OCIAD2: variants seen among roughly 807,000 people sequenced by gnomAD.
OCIAD2 encodes the protein OCIA domain-containing protein 2.
In OCIAD2, 29 loss-of-function variants were observed where a neutral mutation model predicts 22.9. That is an observed-to-expected ratio of 1.27 (90% CI 0.94 to 1.73). The LOEUF (loss-of-function observed/expected upper bound fraction) is 1.73. OCIAD2 is among the 40% of genes most tolerant of loss of function. The pLI is 0.00. For missense variants in OCIAD2, 189 were observed against 180.3 expected (o/e 1.05, Z -0.28); for synonymous variants, 67 against 60.2 (o/e 1.11, Z -0.52).
At chr4:48,887,818 C>T (rs567669902) in intron 6 of OCIAD2, among the ~76,000 whole-genome samples, 13 of 152,144 alleles carry the variant, frequency 8.5e-5, no homozygotes, top group African/African-American at 1.9e-4. Flanking sequence ...CTTGGCAATG[C>T]GGGCTCTTTT....
chr4:48,891,905 GTC>G (rs1372093683), intron 6 of OCIAD2, among the ~76,000 whole-genome samples: 2 of 152,206 alleles, frequency 1.3e-5, no homozygotes, highest in Non-Finnish European at 2.9e-5. Context: ...CCTTCAGAAG[GTC>G]TCTGCAGCTC....
chr4:48,889,512 C>A (rs967055272), intron 6 of OCIAD2, among the ~76,000 whole-genome samples: 8 of 152,130 alleles, frequency 5.3e-5, no homozygotes, highest in Non-Finnish European at 1.5e-5. Context: ...AAAAGGCTCA[C>A]CATCACTGGT....
At chr4:48,901,369 T>C (rs184087599) in intron 2 of OCIAD2, among the ~76,000 whole-genome samples, 1 of 152,262 alleles carries the variant, frequency 6.6e-6, no homozygotes, top group Admixed American at 6.5e-5. Flanking sequence ...AGAGTCTTGC[T>C]AGACCGCTCT....
chr4:48,888,237 C>A (rs1781051177), intron 6 of OCIAD2, among the ~76,000 whole-genome samples: 1 of 152,118 alleles, frequency 6.6e-6, no homozygotes, highest in South Asian at 2.1e-4. Flanking sequence ...AGATTTTGGG[C>A]TGAGATGATG....
intron 6 of OCIAD2, among the ~76,000 whole-genome samples, chr4:48,886,379 T>C (rs1251543944): frequency 6.6e-5 from 10 of 152,254 alleles, no homozygotes; most frequent in Admixed American, 6.5e-4. Context: ...TTAGGGTACA[T>C]GTGCACAACG....
chr4:48,905,479 G>A (rs558033341), intron 1 of OCIAD2, among the ~76,000 whole-genome samples: 5 of 151,890 alleles, frequency 3.3e-5, no homozygotes, highest in South Asian at 2.1e-4. Flanking sequence ...CTGATACAGA[G>A]GGGAGGGAAT....
chr4:48,905,393 G>A (rs554008917), intron 1 of OCIAD2, among the ~76,000 whole-genome samples: 2 of 151,620 alleles, frequency 1.3e-5, no homozygotes, highest in South Asian at 4.2e-4. Context: ...TGAACACTGA[G>A]CCCAAGGGAA....
intron 6 of OCIAD2, 81 bp from the exon 7 acceptor site, chr4:48,885,646 T>C: frequency 1.3e-6 from 1 of 759,470 alleles, no homozygotes; most frequent in Admixed American, 2.2e-5. Context: ...TTATTCTTAT[T>C]ATTTTAACAT....
chr4:48,906,127 C>T (rs1022319469), intron 1 of OCIAD2, among the ~76,000 whole-genome samples: 5 of 152,228 alleles, frequency 3.3e-5, no homozygotes, highest in Admixed American at 6.5e-5. Flanking sequence ...CTCTCAGCTT[C>T]GGTGGCCAGG....
intron 4 of OCIAD2, among the ~76,000 whole-genome samples, chr4:48,894,716 C>G (rs1204701661): frequency 1.3e-5 from 2 of 152,036 alleles, no homozygotes; most frequent in African/African-American, 4.8e-5. Flanking sequence ...ACTTTAAGTT[C>G]TAGGGTACAT....
chr4:48,891,184 C>T (rs772299839), intron 6 of OCIAD2, among the ~76,000 whole-genome samples: 14 of 152,194 alleles, frequency 9.2e-5, no homozygotes, highest in Non-Finnish European at 1.8e-4. Flanking sequence ...ATAGCTTCTG[C>T]TGTAGCTCCT....
intron 3 of OCIAD2, 103 bp from the exon 4 acceptor site, chr4:48,897,960 C>A: frequency 1.3e-6 from 1 of 771,662 alleles, no homozygotes; most frequent in East Asian, 2.5e-5. Flanking sequence ...CCTTCCTTGG[C>A]AGTGAATTTT....
intron 6 of OCIAD2, among the ~76,000 whole-genome samples, chr4:48,890,918 T>C (rs1781162154): frequency 6.6e-6 from 1 of 152,184 alleles, no homozygotes; most frequent in Admixed American, 6.5e-5. Context: ...TTTCCCCCCA[T>C]TGCTTTGAGA....
At chr4:48,890,410 G>A (rs1330028889) in intron 6 of OCIAD2, among the ~76,000 whole-genome samples, 1 of 152,100 alleles carries the variant, frequency 6.6e-6, no homozygotes, top group Non-Finnish European at 1.5e-5. Context: ...TTGAATTCAA[G>A]TAATTTCTAA....
At chr4:48,892,653 T>G in intron 6 of OCIAD2, 119 bp downstream of exon 6, 1 of 538,366 alleles carries the variant, frequency 1.9e-6, no homozygotes, top group Non-Finnish European at 3.2e-6. Flanking sequence ...AACTTGAGGG[T>G]TAAAACTTTT....
Position 48,897,853 on chromosome 4 carries a change from C to A in OCIAD2, c.168G>T (p.Leu56=). 6.8e-6 allele frequency: 11 copies of A among 1,612,342 alleles called. No homozygotes were observed. Among genetic ancestry groups the A allele is most frequent in the Non-Finnish European group, 8.5e-6 (10 of 1,178,646 alleles). ...CAAGCATGCTTACAAGAGAAAAAGGCAGAGCTGTAAAGCAAAAATGTCCTT... is the reference window on the plus strand; with the variant it reads ...CAAGCATGCTTACAAGAGAAAAAGGAAGAGCTGTAAAGCAAAAATGTCCTT... ...CQEESFWKRA[L]PFSLVSMLVT... is the part of the protein sequence containing the mutation. Residue 56 remains leucine, a synonymous_variant, in exon 4 of 7, where the codon CTG becomes CTT. Coordinates refer to ENST00000508632, the MANE Select transcript of OCIAD2 (RefSeq NM_001014446.3).
intron 5 of OCIAD2, 24 bp from the exon 6 acceptor site, chr4:48,892,913 T>A (rs372178946): frequency 2.4e-6 from 3 of 1,238,164 alleles, no homozygotes; most frequent in Non-Finnish European, 3.5e-6. Context: ...TTGGGAGAGA[T>A]TAGTTGAGAA....
Position 48,904,533 on chromosome 4 carries a change from G to A in OCIAD2, c.17C>T (p.Ala6Val), listed in dbSNP as rs1341434444. The change falls in exon 2 of 7, where the codon GCT becomes GTT. Residue 6 changes from alanine (A) to valine (V), a missense_variant. By Grantham distance (64) the Ala-to-Val change is moderately conservative. Transcript: ENST00000508632. ...GGCATCTTTATCTTGGTTTCCACGAGCAGACGCTGAAGCCATGATGACTTT... is the reference window on the plus strand; with the variant it reads ...GGCATCTTTATCTTGGTTTCCACGAACAGACGCTGAAGCCATGATGACTTT... MASAS[A>V]RGNQDKDAHF... 5.6e-6 allele frequency: 9 copies of A among 1,614,074 alleles called. No homozygotes were observed. The highest frequency in any genetic ancestry group is 1.7e-5 in the Admixed American group (1 of 60,016).
At chr4:48,898,664 C>T (rs1781352783) in intron 3 of OCIAD2, among the ~76,000 whole-genome samples, 1 of 152,112 alleles carries the variant, frequency 6.6e-6, no homozygotes, top group South Asian at 2.1e-4. Flanking sequence ...TTCTCTTTTT[C>T]ATGACATTTT....
Sources: allele counts gnomAD v4.1 joint callset (sites outside exome capture counted in the v4.1 genomes callset), GRCh38; gene constraint gnomAD v4.1.1; transcripts MANE v1.5; gene names NCBI Gene and HGNC (gene_info 2026-07-23, HGNC 2026-07-21).